The following DCLK1 variants were observed in gnomAD, a reference collection of about 807,000 sequenced individuals.
DCLK1 encodes the protein serine/threonine-protein kinase DCLK1.
A neutral mutation model predicts 86.2 loss-of-function variants in DCLK1; 16 were observed. The ratio of observed to expected loss-of-function variants is 0.19; its 90% CI spans 0.13 to 0.28. The LOEUF is 0.28. Among genes scored for constraint, DCLK1 ranks in the 10% least tolerant of loss-of-function variants. The probability of loss-of-function intolerance (pLI) is 1.00; values close to 1 mark genes in which losing one functional copy is unlikely to be tolerated. For synonymous variants in DCLK1, 369 were observed against 370.5 expected, an observed-to-expected ratio of 1.00 and a Z score of 0.05; for missense variants, 590 against 940.2, an observed-to-expected ratio of 0.63 and a Z score of 4.87.
intron 4 of DCLK1, among the ~76,000 whole-genome samples, chr13:35,934,595 G>A (rs1876652229): frequency 1.3e-5 from 2 of 152,222 alleles, no homozygotes; most frequent in South Asian, 2.1e-4. Flanking sequence ...AGCAGTATTG[G>A]GGAAACTGCA....
chr13:36,011,423 T>G (rs1431004985), intron 3 of DCLK1, among the ~76,000 whole-genome samples: 1 of 132,970 alleles, frequency 7.5e-6, no homozygotes, highest in African/African-American at 2.9e-5. Context: ...TCTGGTATGT[T>G]GTGTCTTTGT....
chr13:35,794,967 C>A (rs537712946), intron 15 of DCLK1, among the ~76,000 whole-genome samples: 21 of 152,254 alleles, frequency 1.4e-4, no homozygotes, highest in African/African-American at 5.1e-4. Flanking sequence ...TCTCTGTCCA[C>A]CAGAACCTTG....
chr13:35,954,129 C>T (rs148362782), intron 3 of DCLK1, among the ~76,000 whole-genome samples: 70 of 151,988 alleles, frequency 4.6e-4, no homozygotes, highest in Middle Eastern at 3.4e-3. Context: ...CTTCTTAATA[C>T]CAGTTAAAGA....
intron 3 of DCLK1, among the ~76,000 whole-genome samples, chr13:36,023,493 A>G (rs2153151208): frequency 6.6e-6 from 1 of 152,326 alleles, no homozygotes; most frequent in East Asian, 1.9e-4. Context: ...TTCAGGTCTT[A>G]GGCCAATAGA....
At chr13:35,791,678 A>G (rs2153099293) in intron 16 of DCLK1, among the ~76,000 whole-genome samples, 1 of 152,304 alleles carries the variant, frequency 6.6e-6, no homozygotes, top group Non-Finnish European at 1.5e-5. Flanking sequence ...CTCCTAGAAT[A>G]CTGTGAACAA....
chr13:35,886,696 C>G (rs928923031), intron 4 of DCLK1, among the ~76,000 whole-genome samples: 3 of 152,106 alleles, frequency 2.0e-5, no homozygotes, highest in Admixed American at 2.0e-4. Flanking sequence ...AAATTCTTTC[C>G]TTTTTATCAT....
intron 16 of DCLK1, among the ~76,000 whole-genome samples, chr13:35,789,728 C>T (rs563659509): frequency 6.6e-5 from 10 of 152,160 alleles, no homozygotes; most frequent in Admixed American, 1.3e-4. Flanking sequence ...TTGGAACTGA[C>T]ATCTTAGTCA....
rs2153096817 is a variant in DCLK1 at position 35,774,421 on chromosome 13, C to T, written c.*114G>A. ...TACCTGAAAACACTTTCAGTTCTGC[C>T]ATTCAAGCATTGAGCGCTAGATAGA... On this transcript the variant is annotated 3_prime_UTR_variant, in exon 17 of 17. Coordinates refer to ENST00000360631, the MANE Select transcript of DCLK1 (RefSeq NM_001330071.2). 8.1e-7 allele frequency: 1 copy of T among 1,241,864 alleles called. No individual in the cohort carries two copies. Among genetic ancestry groups the T allele is most frequent in the South Asian group, 1.6e-5 (1 of 63,984 alleles). The allele number at this position is 1,241,864 out of a possible 1,614,324, so 76.9% of individuals were successfully genotyped here.
At chr13:36,065,552 G>A (rs1022780895) in intron 3 of DCLK1, among the ~76,000 whole-genome samples, 2 of 152,120 alleles carry the variant, frequency 1.3e-5, no homozygotes, top group Non-Finnish European at 2.9e-5. Flanking sequence ...TAAGAAATAT[G>A]TCTGACAAAA....
At chr13:35,935,082 A>AG (rs1876681778) in intron 4 of DCLK1, among the ~76,000 whole-genome samples, 1 of 152,188 alleles carries the variant, frequency 6.6e-6, no homozygotes, top group Admixed American at 6.5e-5. Context: ...TGGGTGAGGA[A>AG]GGAGAAGAGG....
At chr13:35,939,523 G>A (rs1436439240) in intron 4 of DCLK1, among the ~76,000 whole-genome samples, 1 of 152,134 alleles carries the variant, frequency 6.6e-6, no homozygotes, top group East Asian at 1.9e-4. Flanking sequence ...TCCCACCTCA[G>A]CCTGCCAAGT....
chr13:35,815,885 A>G (rs2087253098), intron 11 of DCLK1, among the ~76,000 whole-genome samples: 1 of 152,180 alleles, frequency 6.6e-6, no homozygotes, highest in Non-Finnish European at 1.5e-5. Flanking sequence ...AAAAATAATG[A>G]ATGTTGTGCA....
intron 3 of DCLK1, among the ~76,000 whole-genome samples, chr13:35,976,675 C>T (rs753475076): frequency 8.6e-5 from 13 of 151,590 alleles, no homozygotes; most frequent in Admixed American, 6.6e-4. Context: ...GGACTACAGG[C>T]GCCCGCCACT....
chr13:35,931,280 G>A (rs542055053), intron 4 of DCLK1, among the ~76,000 whole-genome samples: 1 of 152,220 alleles, frequency 6.6e-6, no homozygotes, highest in Admixed American at 6.5e-5. Flanking sequence ...AGCAGAATTT[G>A]GATGCTTAAA....
rs1266242947 is a variant in DCLK1 at position 35,839,121 on chromosome 13, G to A, written c.1091C>T (p.Ser364Leu). ...TSLASTKVCS[S>L]MDENDGPGEE... Reference sequence around the variant, plus strand: ...TCCAGGGCCATCGTTCTCATCCATCGAGCTGCAGACTTTGGTGGACGCAAG... The same window carrying A: ...TCCAGGGCCATCGTTCTCATCCATCAAGCTGCAGACTTTGGTGGACGCAAG... The change falls in exon 7 of 17, where the codon TCG becomes TTG. Residue 364 changes from serine (S) to leucine (L), a missense_variant. Physicochemically the swap from Ser to Leu is moderately radical, Grantham distance 145 (BLOSUM62 -2). Transcript: ENST00000360631. The A allele has an allele frequency of 3.1e-6, 5 of 1,599,718 alleles. No individual in the cohort carries two copies. The highest frequency in any genetic ancestry group is 1.3e-5 in the African/African-American group (1 of 74,700).
At chr13:35,918,456 T>C (rs913389474) in intron 4 of DCLK1, among the ~76,000 whole-genome samples, 23 of 152,196 alleles carry the variant, frequency 1.5e-4, no homozygotes, top group African/African-American at 5.5e-4. Flanking sequence ...AAAAGTTAAC[T>C]GATTCCAATG....
chr13:36,064,528 G>A (rs1408790817), intron 3 of DCLK1, among the ~76,000 whole-genome samples: 4 of 151,944 alleles, frequency 2.6e-5, no homozygotes, highest in African/African-American at 4.8e-5. Flanking sequence ...GCGTGGTGGC[G>A]TGTGCCTATA....
Position 36,124,511 on chromosome 13 carries a change from A to G in DCLK1, c.376+1251T>C, listed in dbSNP as rs146437497. 4.5e-3 allele frequency among the ~76,000 whole-genome samples: 678 copies of G among 152,336 alleles called. 1 individual carries two copies. Among genetic ancestry groups the G allele is most frequent in the Non-Finnish European group, 8.1e-3 (551 of 68,026 alleles). On this transcript the variant is annotated intron_variant, in intron 2 of 16. Coordinates refer to ENST00000360631, the MANE Select transcript of DCLK1 (RefSeq NM_001330071.2). ...TGCCAAGGGATGAAGGGAAGCAAAAAGGGAGAAGTCCCCAGCCTTGAATCA... is the reference window on the plus strand; with the variant it reads ...TGCCAAGGGATGAAGGGAAGCAAAAGGGGAGAAGTCCCCAGCCTTGAATCA...
At chr13:35,934,278 C>T (rs1034415024) in intron 4 of DCLK1, among the ~76,000 whole-genome samples, 3 of 152,214 alleles carry the variant, frequency 2.0e-5, no homozygotes, top group Non-Finnish European at 2.9e-5. Context: ...AATTTCAAAG[C>T]TGCTTCCACA....
Sources: allele counts gnomAD v4.1 joint callset (sites outside exome capture counted in the v4.1 genomes callset), GRCh38; gene constraint gnomAD v4.1.1; transcripts MANE v1.5; gene names NCBI Gene and HGNC (gene_info 2026-07-23, HGNC 2026-07-21).